The following INPP5A variants were observed in gnomAD, a reference collection of about 807,000 sequenced individuals.
INPP5A encodes 43 kDa inositol polyphosphate 5-phophatase.
In INPP5A, 14 loss-of-function variants were observed where a neutral mutation model predicts 65.2. The ratio of observed to expected loss-of-function variants is 0.21; its 90% CI spans 0.14 to 0.34. The LOEUF (loss-of-function observed/expected upper bound fraction) is 0.34. Among genes scored for constraint, INPP5A ranks in the 10% least tolerant of loss-of-function variants. The pLI is 1.00. For missense variants in INPP5A, 431 were observed against 545.6 expected (o/e 0.79, Z 2.09); for synonymous variants, 207 against 208.3 (o/e 0.99, Z 0.05).
chr10:132,695,081 A>T (rs1027586222), intron 5 of INPP5A, among the ~76,000 whole-genome samples: 3 of 152,238 alleles, frequency 2.0e-5, no homozygotes, highest in Non-Finnish European at 4.4e-5. Context: ...AAGACATTAC[A>T]AAGAAGGAAA....
chr10:132,656,458 C>T (rs2072658035), intron 4 of INPP5A, among the ~76,000 whole-genome samples: 1 of 152,234 alleles, frequency 6.6e-6, no homozygotes, highest in Non-Finnish European at 1.5e-5. Flanking sequence ...CCAGCTGTGC[C>T]TGCTCAGAGA....
chr10:132,598,746 G>A (rs2485637), intron 1 of INPP5A, among the ~76,000 whole-genome samples: 38,087 of 152,094 alleles, frequency 0.25, 5,532 homozygotes, highest in East Asian at 0.5. Flanking sequence ...TGATAAAGAC[G>A]TACCTGAGAC....
chr10:132,761,182 G>A (rs1846726628), intron 11 of INPP5A, among the ~76,000 whole-genome samples: 1 of 152,204 alleles, frequency 6.6e-6, no homozygotes, highest in South Asian at 2.1e-4. Flanking sequence ...GTCTCTGGGT[G>A]GCACGGGCCC....
intron 5 of INPP5A, among the ~76,000 whole-genome samples, chr10:132,695,356 G>A (rs372158918): frequency 7.2e-4 from 109 of 152,254 alleles, no homozygotes; most frequent in African/African-American, 2.6e-3. Context: ...TCCTCAACCT[G>A]ATAAAGAAGA....
chr10:132,619,951 G>A (rs2072088914), intron 2 of INPP5A, among the ~76,000 whole-genome samples: 2 of 152,218 alleles, frequency 1.3e-5, no homozygotes, highest in African/African-American at 4.8e-5. Context: ...CACTTTGCCA[G>A]CATTCTTCAC....
chr10:132,611,651 T>C (rs1272648301), intron 2 of INPP5A, among the ~76,000 whole-genome samples: 1 of 28,446 alleles, frequency 3.5e-5, no homozygotes, highest in East Asian at 9.5e-4. Flanking sequence ...GGAGGTGAGG[T>C]GGGCAGGGGA....
intron 9 of INPP5A, among the ~76,000 whole-genome samples, chr10:132,729,954 C>T (rs1590963942): frequency 6.6e-6 from 1 of 152,306 alleles, no homozygotes; most frequent in Admixed American, 6.5e-5. Flanking sequence ...GCTGGTGGAG[C>T]ACTCCAGGGC....
At chr10:132,724,545 G>T (rs1293317064) in intron 8 of INPP5A, among the ~76,000 whole-genome samples, 1 of 151,840 alleles carries the variant, frequency 6.6e-6, no homozygotes, top group Non-Finnish European at 1.5e-5. Context: ...AGGAGCACGT[G>T]TTCACCACAG....
At chr10:132,577,401 G>A (rs1403342861) in intron 1 of INPP5A, among the ~76,000 whole-genome samples, 1 of 152,216 alleles carries the variant, frequency 6.6e-6, no homozygotes, top group Non-Finnish European at 1.5e-5. Flanking sequence ...CATCCTACAG[G>A]TGGCATTCCT....
Position 132,616,266 on chromosome 10 carries a change from G to A in INPP5A, c.117+8310G>A, listed in dbSNP as rs2072031785. ...GGGAGGTGCCTGTGCTTTGTTGGTTGTGAACAAGCATCCAAGGGAGGACCA... is the reference window on the plus strand; with the variant it reads ...GGGAGGTGCCTGTGCTTTGTTGGTTATGAACAAGCATCCAAGGGAGGACCA... On this transcript the variant is annotated intron_variant, in intron 2 of 15. Transcript: ENST00000368594. The surrounding 1 kb of genome is among the most constrained non-coding windows in gnomAD (Gnocchi z 4.9). Among the ~76,000 whole-genome samples, 1 of 152,244 alleles carries A rather than the reference G, an allele frequency of 6.6e-6. No homozygotes were observed. Among genetic ancestry groups the A allele is most frequent in the Non-Finnish European group, 1.5e-5 (1 of 68,036 alleles).
intron 1 of INPP5A, among the ~76,000 whole-genome samples, chr10:132,558,676 C>T (rs2071160626): frequency 6.6e-6 from 1 of 152,212 alleles, no homozygotes; most frequent in Non-Finnish European, 1.5e-5. Flanking sequence ...GGTAGGGAGG[C>T]GGTAGCCTTG....
In INPP5A at chr10:132,698,410, G is replaced by A. The variant is rs561007148; in HGVS notation, c.474+491G>A. On this transcript the variant is annotated intron_variant, in intron 6 of 15. Coordinates refer to ENST00000368594, the MANE Select transcript of INPP5A (RefSeq NM_005539.5). This position sits in a 1 kb window ranked among gnomAD's most constrained non-coding sequence, Gnocchi z 5.5. ...CCCGGCAGTTATGCCTGCGTCACAC[G>A]GAGAGATTAGAATCAAAATGTGTGG... 5.3e-5 allele frequency among the ~76,000 whole-genome samples: 8 copies of A among 152,344 alleles called. No individual in the cohort carries two copies. In the South Asian group the frequency reaches 6.2e-4, roughly 12 times the overall value.
chr10:132,639,169 C>T (rs2133383023), intron 2 of INPP5A, among the ~76,000 whole-genome samples: 1 of 152,326 alleles, frequency 6.6e-6, no homozygotes, highest in Non-Finnish European at 1.5e-5. Context: ...CCAGATCATT[C>T]CCCTCCAGCC....
At chr10:132,687,780 G>A (rs897360567) in intron 4 of INPP5A, among the ~76,000 whole-genome samples, 2 of 152,216 alleles carry the variant, frequency 1.3e-5, no homozygotes, top group African/African-American at 4.8e-5. Context: ...ACCTGTGCTG[G>A]GTGGAGGCGG....
chr10:132,662,783 G>C (rs187303103), intron 4 of INPP5A, among the ~76,000 whole-genome samples: 9 of 152,308 alleles, frequency 5.9e-5, no homozygotes, highest in Non-Finnish European at 1.3e-4. Flanking sequence ...CTTTCATGCT[G>C]TAGTTTAGCA....
chr10:132,632,521 A>G (rs1296778081), intron 2 of INPP5A, among the ~76,000 whole-genome samples: 1 of 152,172 alleles, frequency 6.6e-6, no homozygotes, highest in African/African-American at 2.4e-5. Flanking sequence ...GGCAGGAACC[A>G]GGCCCCAGAA....
intron 9 of INPP5A, among the ~76,000 whole-genome samples, chr10:132,746,180 C>T (rs932853608): frequency 6.6e-6 from 1 of 152,264 alleles, no homozygotes; most frequent in Non-Finnish European, 1.5e-5. Context: ...GCCCAGGCGC[C>T]TGCTGGCTGT....
intron 2 of INPP5A, among the ~76,000 whole-genome samples, chr10:132,632,062 C>T (rs2072282575): frequency 6.6e-6 from 1 of 152,270 alleles, no homozygotes. Context: ...TGTCTCTTCA[C>T]AGCCCTGCCT....
rs373224800 is a variant in INPP5A, at chr10:132,709,621, G to A, written c.528-716G>A. 2.6e-5 allele frequency among the ~76,000 whole-genome samples: 4 copies of A among 152,288 alleles called. No individual in the cohort carries two copies. The South Asian group carries it at 8.3e-4, about 32-fold the overall frequency. Reference sequence around the variant, plus strand: ...CAGCTGGGCCACAGGCTGGAGGAGGGCAAGACCGCCTGCACGCACTCATTC... The same window carrying A: ...CAGCTGGGCCACAGGCTGGAGGAGGACAAGACCGCCTGCACGCACTCATTC... On this transcript the variant is annotated intron_variant, in intron 7 of 15. Coordinates refer to ENST00000368594, the MANE Select transcript of INPP5A (RefSeq NM_005539.5).
Sources: allele counts gnomAD v4.1 joint callset (sites outside exome capture counted in the v4.1 genomes callset), GRCh38; gene constraint gnomAD v4.1.1; non-coding constraint Gnocchi (gnomAD v3.1); transcripts MANE v1.5; gene names NCBI Gene and HGNC (gene_info 2026-07-23, HGNC 2026-07-21).